The following ABCC10 variants were observed in gnomAD, a reference collection of about 807,000 sequenced individuals.
ABCC10 encodes the protein ATP-binding cassette sub-family C member 10.
A neutral mutation model predicts 143.2 loss-of-function variants in ABCC10; 110 were observed. The observed-to-expected ratio is 0.77, with a 90% confidence interval of 0.66 to 0.90. ABCC10 has a LOEUF of 0.90. Among genes scored for constraint, ABCC10 ranks in the 40% least tolerant of loss-of-function variants. The pLI is 0.00. For synonymous variants in ABCC10, 805 were observed against 846.7 expected, an observed-to-expected ratio of 0.95 and a Z score of 0.85; for missense variants, 1,700 against 1,900.5, an observed-to-expected ratio of 0.89 and a Z score of 1.96.
chr6:43,443,745 G>T lies in ABCC10; in HGVS notation c.2417-188G>T. 1 of 603,906 alleles carries T rather than the reference G, an allele frequency of 1.7e-6. No homozygotes were observed. 37.4% of individuals were successfully genotyped at this position (603,906 alleles called of 1,614,324 possible). A position where few individuals can be genotyped will look rare whatever the true frequency, so the allele number is the denominator to read the frequency against. On this transcript the variant is annotated intron_variant, in intron 10 of 21. Coordinates refer to ENST00000372530, the MANE Select transcript of ABCC10 (RefSeq NM_001198934.2). The surrounding 1 kb of genome is among the most constrained non-coding windows in gnomAD (Gnocchi z 4.2). ...GACTTGAGTCCTGCTCGAGGTCTAG[G>T]GGTATCCAGAGCAGGGTGGGTTAGA...
At chr6:43,450,929 T>C (rs777564809), downstream of ABCC10, 5 of 1,614,194 alleles carry the variant, frequency 3.1e-6, no homozygotes, top group Admixed American at 8.3e-5. The surrounding 1 kb of genome is among the most constrained non-coding windows in gnomAD (Gnocchi z 4.5). Flanking sequence ...TTGGGGGGTC[T>C]GGGACAGGTA....
intron 6 of ABCC10, among the ~76,000 whole-genome samples, chr6:43,437,363 A>G (rs1198813720): frequency 1.1e-4 from 15 of 131,500 alleles, no homozygotes; most frequent in African/African-American, 3.6e-4. Flanking sequence ...AGTCCCTTCT[A>G]GAGAAGGAAC....
chr6:43,430,447 A>T (rs1781003909), intron 2 of ABCC10, among the ~76,000 whole-genome samples: 2 of 151,742 alleles, frequency 1.3e-5, no homozygotes, highest in Non-Finnish European at 2.9e-5. Flanking sequence ...CCTACAAATA[A>T]CTGTCATCAG....
rs374074845 is a variant in ABCC10 at position 43,443,093 on chromosome 6, C to G, written c.2350C>G (p.Arg784Gly). Reference protein sequence around the residue: ...SYTTRLLCTHRTEYLERADAV... With the variant: ...SYTTRLLCTHGTEYLERADAV... The stretch of plus-strand genomic sequence containing the variant: ...CACCACACGGCTGCTCTGCACCCAC[C>G]GCACTGAGTACCTGGAGAGGGCTGA... Residue 784 changes from arginine to glycine, a missense_variant, in exon 10 of 22, where the codon CGC becomes GGC. Physicochemically the swap from Arg to Gly is moderately radical, Grantham distance 125. Transcript: ENST00000372530. This position sits in a 1 kb window ranked among gnomAD's most constrained non-coding sequence, Gnocchi z 4.2. 10 of 1,611,984 alleles carry G rather than the reference C, an allele frequency of 6.2e-6. No individual in the cohort carries two copies. The highest frequency in any genetic ancestry group is 5.0e-5 in the Admixed American group (3 of 59,968).
Position 43,443,939 on chromosome 6 carries a change from CCTCT to C in ABCC10, c.2424_2427del (p.Ser809ArgfsTer77). ...CTCCCCTTCTACCCTCCAGGACCTCCCTCTGAGATTCTGCCACTGGTACAAGCTG... is the reference window on the plus strand; with the variant it reads ...CTCCCCTTCTACCCTCCAGGACCTCCGAGATTCTGCCACTGGTACAAGCTG... On this transcript the variant is annotated frameshift_variant, in exon 11 of 22. Coordinates refer to ENST00000372530, the MANE Select transcript of ABCC10 (RefSeq NM_001198934.2). LOFTEE classifies it high-confidence loss of function. This position sits in a 1 kb window ranked among gnomAD's most constrained non-coding sequence, Gnocchi z 4.2. The C allele has an allele frequency of 6.2e-7, 1 of 1,613,760 alleles. No individual in the cohort carries two copies. Among genetic ancestry groups the C allele is most frequent in the Non-Finnish European group, 8.5e-7 (1 of 1,179,606 alleles).
chr6:43,440,947 A>C (rs937943427), intron 8 of ABCC10, among the ~76,000 whole-genome samples: 2 of 151,746 alleles, frequency 1.3e-5, no homozygotes, highest in Admixed American at 1.3e-4. Flanking sequence ...AACAAAAAAA[A>C]CAAAAATTAG....
In ABCC10 at chr6:43,449,454, G is replaced by A. The variant is rs777216559; in HGVS notation, c.4236G>A (p.Val1412=). ...ILCIDEATAS[V]DQKTDQLLQQ... ...GTATCGATGAGGCCACAGCAAGTGTGGACCAGAAGACAGACCAGCTGCTCC... is the reference window on the plus strand; with the variant it reads ...GTATCGATGAGGCCACAGCAAGTGTAGACCAGAAGACAGACCAGCTGCTCC... Residue 1412 remains valine, a synonymous_variant, in exon 21 of 22, where the codon GTG becomes GTA. Coordinates refer to ENST00000372530, the MANE Select transcript of ABCC10 (RefSeq NM_001198934.2). 5.1e-5 allele frequency: 82 copies of A among 1,613,820 alleles called. No individual in the cohort carries two copies. The highest frequency in any genetic ancestry group is 5.8e-5 in the Non-Finnish European group (68 of 1,179,910).
chr6:43,449,813 A>G (rs1783573813), intron 21 of ABCC10, 116 bp from the exon 22 acceptor site: 8 of 1,285,608 alleles, frequency 6.2e-6, no homozygotes, highest in Non-Finnish European at 8.7e-6. Flanking sequence ...GCCAGGGGCT[A>G]AAGCCTGTGG....
chr6:43,443,279 GC>G lies in ABCC10; in HGVS notation c.2416+122del. On this transcript the variant is annotated intron_variant, in intron 10 of 21. Transcript: ENST00000372530. The surrounding 1 kb of genome is among the most constrained non-coding windows in gnomAD (Gnocchi z 4.2). ...CCTGAGCCAGTCATTGCTGCCTCCC[GC>G]CTTCACAGAACTGGTGTGAGGAACT... 5.7e-6 allele frequency: 6 copies of G among 1,052,628 alleles called. No individual in the cohort carries two copies. The South Asian group carries it at 7.3e-5, about 13-fold the overall frequency. The allele number at this position is 1,052,628 out of a possible 1,614,324, so 65.2% of individuals were successfully genotyped here. A position where few individuals can be genotyped will look rare whatever the true frequency, so the allele number is the denominator to read the frequency against.
rs147440117 is a variant in ABCC10 at position 43,432,668 on chromosome 6, G to T, written c.688G>T (p.Ala230Ser). 6.2e-7 allele frequency: 1 copy of T among 1,613,948 alleles called. No homozygotes were observed. Among genetic ancestry groups the T allele is most frequent in the Middle Eastern group, 1.6e-4 (1 of 6,062 alleles). ...WLSRFSYAWL[A>S]PLLARGACGE... Reference sequence around the variant, plus strand: ...GTCACGCTTTTCCTATGCCTGGCTGGCACCCTTGCTGGCCCGTGGGGCCTG... The same window carrying T: ...GTCACGCTTTTCCTATGCCTGGCTGTCACCCTTGCTGGCCCGTGGGGCCTG... Residue 230 changes from alanine (A) to serine (S), a missense_variant, in exon 3 of 22, where the codon GCA becomes TCA. Coordinates refer to ENST00000372530, the MANE Select transcript of ABCC10 (RefSeq NM_001198934.2).
At chr6:43,437,701 A>C (rs1464700746) in intron 6 of ABCC10, among the ~76,000 whole-genome samples, 2 of 152,122 alleles carry the variant, frequency 1.3e-5, no homozygotes, top group Admixed American at 6.6e-5. Context: ...GGCCCTTCAC[A>C]TAGACAGTGA....
chr6:43,433,164 C>T lies in ABCC10; in HGVS notation c.1184C>T (p.Ala395Val), dbSNP rs1289924466. The T allele has an allele frequency of 6.2e-7, 1 of 1,614,082 alleles. No individual in the cohort carries two copies. Among genetic ancestry groups the T allele is most frequent in the South Asian group, 1.1e-5 (1 of 91,082 alleles). ...GACTCTGAACGGCTGCTTAACTTTG[C>T]TGGGAGCTTCCATGAAGCCTGGGGC... is the stretch of plus-strand genomic sequence containing the variant. Reference protein sequence around the residue: ...GTDSERLLNFAGSFHEAWGLP... With the variant: ...GTDSERLLNFVGSFHEAWGLP... The change falls in exon 3 of 22, where the codon GCT becomes GTT. Residue 395 changes from alanine to valine, a missense_variant. Physicochemically the swap from Ala to Val is moderately conservative, Grantham distance 64. Transcript: ENST00000372530.
At chr6:43,447,204 C>T in intron 16 of ABCC10, 44 bp from the exon 17 acceptor site, 6 of 1,594,152 alleles carry the variant, frequency 3.8e-6, no homozygotes, top group Non-Finnish European at 4.3e-6. Flanking sequence ...CACAAACGTC[C>T]CGGTGTCCAA....
chr6:43,446,476 C>T (rs1435032589), intron 16 of ABCC10, 30 bp downstream of exon 16: 6 of 1,597,248 alleles, frequency 3.8e-6, no homozygotes, highest in Non-Finnish European at 5.1e-6. Flanking sequence ...ACCCCTACCT[C>T]ATCCACAAGT....
In ABCC10 at chr6:43,443,403, AG is replaced by A. The variant is rs1281800561; in HGVS notation, c.2416+247del. On this transcript the variant is annotated intron_variant, in intron 10 of 21. Transcript: ENST00000372530. The surrounding 1 kb of genome is among the most constrained non-coding windows in gnomAD (Gnocchi z 4.2). ...GGTGCTCTTGGGAACTTAAAGGCCC[AG>A]GGTCTCTGAGAACATTCTCATATCT... 2.3e-6 allele frequency: 1 copy of A among 438,426 alleles called. No homozygotes were observed. The highest frequency in any genetic ancestry group is 4.0e-6 in the Non-Finnish European group (1 of 249,342). The allele number at this position is 438,426 out of a possible 1,614,324, so 27.2% of individuals were successfully genotyped here. A position where few individuals can be genotyped will look rare whatever the true frequency, so the allele number is the denominator to read the frequency against.
In ABCC10 at chr6:43,443,792, C is replaced by T. The variant is rs1180192165; in HGVS notation, c.2417-141C>T. 4 of 830,832 alleles carry T rather than the reference C, an allele frequency of 4.8e-6. No homozygotes were observed. Among genetic ancestry groups the T allele is most frequent in the African/African-American group, 1.7e-5 (1 of 59,892 alleles). 51.5% of individuals were successfully genotyped at this position (830,832 alleles called of 1,614,324 possible). ...TAGAGAGGGAGGCCTAAGAGTCCTG[C>T]TCGAGGTCTAGGGGTATCCTGCTAG... On this transcript the variant is annotated intron_variant, in intron 10 of 21. Transcript: ENST00000372530. The surrounding 1 kb of genome is among the most constrained non-coding windows in gnomAD (Gnocchi z 4.2).
chr6:43,450,390 A>C lies in ABCC10; in HGVS notation c.*299A>C. 1 of 1,066,438 alleles carries C rather than the reference A, an allele frequency of 9.4e-7. No homozygotes were observed. Among genetic ancestry groups the C allele is most frequent in the Non-Finnish European group, 1.3e-6 (1 of 770,402 alleles). 66.1% of individuals were successfully genotyped at this position (1,066,438 alleles called of 1,614,324 possible). ...GTTTTATTTGATAAAATTCCATCTTACATTCTGTGTATTAAAAAAATAATA... is the reference window on the plus strand; with the variant it reads ...GTTTTATTTGATAAAATTCCATCTTCCATTCTGTGTATTAAAAAAATAATA... On this transcript the variant is annotated 3_prime_UTR_variant, in exon 22 of 22. Transcript: ENST00000372530. The surrounding 1 kb of genome is among the most constrained non-coding windows in gnomAD (Gnocchi z 4.5).
chr6:43,438,940 C>G, intron 8 of ABCC10, 145 bp downstream of exon 8: 2 of 981,534 alleles, frequency 2.0e-6, no homozygotes, highest in South Asian at 3.3e-5. Flanking sequence ...TGTGGTCCTC[C>G]CAGAGTGTCC....
At chr6:43,427,786 G>A in intron 1 of ABCC10, 29 bp downstream of exon 1, 1 of 660,372 alleles carries the variant, frequency 1.5e-6, no homozygotes, top group Non-Finnish European at 2.7e-6. Context: ...GAAATCCACT[G>A]GGGAAACCTC....
Sources: allele counts gnomAD v4.1 joint callset (sites outside exome capture counted in the v4.1 genomes callset), GRCh38; gene constraint gnomAD v4.1.1; non-coding constraint Gnocchi (gnomAD v3.1); transcripts MANE v1.5; gene names NCBI Gene and HGNC (gene_info 2026-07-23, HGNC 2026-07-21).